Variants in CNTNAP2 observed in about 807,000 individuals in gnomAD.
CNTNAP2 encodes the protein contactin-associated protein-like 2.
In CNTNAP2, 98 loss-of-function variants were observed where a neutral mutation model predicts 155.2. That is an observed-to-expected ratio of 0.63 (90% CI 0.54 to 0.75). The LOEUF is 0.75. Among genes scored for constraint, CNTNAP2 ranks in the 30% least tolerant of loss-of-function variants. The probability of loss-of-function intolerance (pLI) is 0.00; values close to 1 mark genes in which losing one functional copy is unlikely to be tolerated. For missense variants in CNTNAP2, 1,727 were observed against 1,688.1 expected (o/e 1.02, Z -0.40); for synonymous variants, 651 against 631.2 (o/e 1.03, Z -0.47).
At chr7:147,865,509 C>T (rs138640331) in intron 13 of CNTNAP2, among the ~76,000 whole-genome samples, 5,596 of 152,262 alleles carry the variant, frequency 0.037, 173 homozygotes, top group Middle Eastern at 0.061. Flanking sequence ...ATGATACCAG[C>T]TCCTCTTTGT....
intron 1 of CNTNAP2, among the ~76,000 whole-genome samples, chr7:146,398,440 A>G (rs966235502): frequency 3.3e-5 from 5 of 152,076 alleles, no homozygotes; most frequent in South Asian, 2.1e-4. Flanking sequence ...TCATGCGAAT[A>G]GCGTGGAGGA....
At chr7:146,297,883 C>G (rs1354000856) in intron 1 of CNTNAP2, among the ~76,000 whole-genome samples, 1 of 151,918 alleles carries the variant, frequency 6.6e-6, no homozygotes, top group Non-Finnish European at 1.5e-5. Flanking sequence ...ATGTGTGTAC[C>G]CTTGCATACA....
rs115249408 is a variant in CNTNAP2, at chr7:148,115,423, G to A, written c.2384-2695G>A. On this transcript the variant is annotated intron_variant, in intron 15 of 23. Transcript: ENST00000361727. ...AATGTTAATTGCATTCGTATCCTGG[G>A]GATACAGCCTAAAGAGACAGAATTG... Among the ~76,000 whole-genome samples, 524 of 152,240 alleles carry A rather than the reference G, an allele frequency of 3.4e-3. 3 individuals are homozygous for A. Among genetic ancestry groups the A allele is most frequent in the African/African-American group, 0.012 (507 of 41,536 alleles).
chr7:146,581,603 G>A (rs1463812197), intron 1 of CNTNAP2, among the ~76,000 whole-genome samples: 2 of 151,394 alleles, frequency 1.3e-5, no homozygotes, highest in African/African-American at 2.4e-5. Flanking sequence ...GGTTATCAAA[G>A]GTCAACACTC....
At chr7:146,482,717 C>G (rs193056872) in intron 1 of CNTNAP2, among the ~76,000 whole-genome samples, 1 of 149,326 alleles carries the variant, frequency 6.7e-6, no homozygotes, top group Admixed American at 6.7e-5. Flanking sequence ...CACTCCAGCC[C>G]GGTGACAGAG....
chr7:147,379,758 C>T (rs557571719), intron 9 of CNTNAP2, among the ~76,000 whole-genome samples: 13 of 152,024 alleles, frequency 8.6e-5, no homozygotes, highest in African/African-American at 2.9e-4. Flanking sequence ...TGTGGTGGGG[C>T]TAGGGGCGTG....
intron 1 of CNTNAP2, among the ~76,000 whole-genome samples, chr7:146,356,909 A>G (rs1025807953): frequency 2.6e-5 from 4 of 152,162 alleles, no homozygotes; most frequent in African/African-American, 9.7e-5. Context: ...ACTTTTCTCC[A>G]GGTCGCTGCT....
At chr7:148,325,335 C>G (rs1380339143) in intron 21 of CNTNAP2, among the ~76,000 whole-genome samples, 1 of 152,096 alleles carries the variant, frequency 6.6e-6, no homozygotes, top group African/African-American at 2.4e-5. Flanking sequence ...CTTGTGTGAC[C>G]TTCAGATGGA....
intron 13 of CNTNAP2, among the ~76,000 whole-genome samples, chr7:147,833,004 GT>G (rs1798577682): frequency 6.6e-6 from 1 of 150,658 alleles, no homozygotes; most frequent in South Asian, 2.1e-4. Flanking sequence ...TTTTATTTTT[GT>G]GTATATGCAA....
intron 13 of CNTNAP2, among the ~76,000 whole-genome samples, chr7:147,766,164 A>G (rs1797380258): frequency 6.6e-6 from 1 of 152,186 alleles, no homozygotes; most frequent in South Asian, 2.1e-4. Context: ...AGATGTATGC[A>G]TTTATCAAAA....
At chr7:146,693,336 C>A (rs1293906541) in intron 1 of CNTNAP2, among the ~76,000 whole-genome samples, 4 of 151,252 alleles carry the variant, frequency 2.6e-5, no homozygotes, top group Non-Finnish European at 4.4e-5. Context: ...ACATTATGTA[C>A]CAAAAAAAAA....
At chr7:146,178,312 C>T (rs756934096) in intron 1 of CNTNAP2, among the ~76,000 whole-genome samples, 14 of 152,130 alleles carry the variant, frequency 9.2e-5, no homozygotes, top group Non-Finnish European at 8.8e-5. Context: ...GGATTACAGG[C>T]GTGAGCTACT....
chr7:146,774,301 TCCC>T lies in CNTNAP2; in HGVS notation c.131_133del (p.Pro44del). ...TGTGATGAGCCACTTGTCTCTGGAC[TCCC>T]CCATGTGGCTTTCAGCAGCTCCTCC... On this transcript the variant is annotated inframe_deletion, in exon 2 of 24. Coordinates refer to ENST00000361727, the MANE Select transcript of CNTNAP2 (RefSeq NM_014141.6). 1 of 1,613,970 alleles carries T rather than the reference TCCC, an allele frequency of 6.2e-7. No individual in the cohort carries two copies. Among genetic ancestry groups the T allele is most frequent in the South Asian group, 1.1e-5 (1 of 91,060 alleles).
chr7:147,201,503 T>A (rs539751289), intron 8 of CNTNAP2, among the ~76,000 whole-genome samples: 33 of 152,076 alleles, frequency 2.2e-4, no homozygotes, highest in Non-Finnish European at 4.7e-4. Context: ...ATATCCTGGT[T>A]TCTGCAGTTA....
intron 3 of CNTNAP2, among the ~76,000 whole-genome samples, chr7:146,855,957 A>G (rs1794974082): frequency 6.6e-6 from 1 of 151,256 alleles, no homozygotes; most frequent in Non-Finnish European, 1.5e-5. Context: ...TTTAATTATT[A>G]ATACAATTAT....
chr7:146,715,416 T>C (rs190988278), intron 1 of CNTNAP2, among the ~76,000 whole-genome samples: 1 of 152,214 alleles, frequency 6.6e-6, no homozygotes, highest in Non-Finnish European at 1.5e-5. Context: ...ACTCTGTATA[T>C]TAACAGAGGG....
intron 15 of CNTNAP2, among the ~76,000 whole-genome samples, chr7:148,115,387 T>A (rs1189860854): frequency 1.3e-5 from 2 of 152,204 alleles, no homozygotes; most frequent in Admixed American, 1.3e-4. Context: ...TTGATTGGAT[T>A]GAAATTTTAA....
chr7:148,101,267 A>G (rs914820703), intron 15 of CNTNAP2, among the ~76,000 whole-genome samples: 1 of 152,014 alleles, frequency 6.6e-6, no homozygotes, highest in African/African-American at 2.4e-5. Flanking sequence ...CATGTACTCT[A>G]AAACTTGAAG....
chr7:147,033,156 A>ATATG (rs1192152077), intron 3 of CNTNAP2, among the ~76,000 whole-genome samples: 14 of 73,478 alleles, frequency 1.9e-4, no homozygotes, highest in African/African-American at 2.1e-4. Context: ...GCATATATAT[A>ATATG]TATGTATATA....
Sources: allele counts gnomAD v4.1 joint callset (sites outside exome capture counted in the v4.1 genomes callset), GRCh38; gene constraint gnomAD v4.1.1; transcripts MANE v1.5; gene names NCBI Gene and HGNC (gene_info 2026-07-23, HGNC 2026-07-21).